TBC1D4: variants seen among roughly 807,000 people sequenced by gnomAD.
TBC1D4 encodes TBC1 domain family member 4, also known as TBC (Tre-2, BUB2, CDC16) domain-containing protein.
TBC1D4 carries 121 observed loss-of-function variants against 142.5 expected under a neutral mutation model. The ratio of observed to expected loss-of-function variants is 0.85; its 90% CI spans 0.73 to 0.99. TBC1D4 has a LOEUF of 0.99. TBC1D4 is among the 50% of genes least tolerant of loss of function. The pLI is 0.00. For synonymous variants in TBC1D4, 630 were observed against 628.2 expected (o/e 1.00, Z -0.04); for missense variants, 1,475 against 1,606.6 (o/e 0.92, Z 1.40).
At chr13:75,397,825 TTTCCCACTGAAAAGTGATACTATCTGC>T (rs1884873959) in intron 1 of TBC1D4, among the ~76,000 whole-genome samples, 1 of 152,206 alleles carries the variant, frequency 6.6e-6, no homozygotes, top group African/African-American at 2.4e-5. Flanking sequence ...TATTCGTAGT[TTTCCCACTGAAAAGTGATACTATCTGC>T]TTCCCTGGTT....
intron 3 of TBC1D4, among the ~76,000 whole-genome samples, chr13:75,357,098 A>T (rs986267943): frequency 1.3e-5 from 2 of 152,202 alleles, no homozygotes; most frequent in African/African-American, 2.4e-5. Flanking sequence ...GGTTGCTCAT[A>T]ACTATCTCTG....
chr13:75,466,786 G>A (rs545201895), intron 1 of TBC1D4, among the ~76,000 whole-genome samples: 8 of 151,860 alleles, frequency 5.3e-5, no homozygotes, highest in Non-Finnish European at 1.2e-4. Flanking sequence ...CAGGAGAATC[G>A]CTTAAGCCAG....
chr13:75,349,023 C>T (rs1294144462), intron 5 of TBC1D4, 147 bp downstream of exon 5: 1 of 1,101,752 alleles, frequency 9.1e-7, no homozygotes, highest in African/African-American at 1.5e-5. Flanking sequence ...ATTGACAGCC[C>T]ACTCACATTT....
At chr13:75,372,299 C>T (rs1385713203) in intron 1 of TBC1D4, among the ~76,000 whole-genome samples, 1 of 148,786 alleles carries the variant, frequency 6.7e-6, no homozygotes, top group Non-Finnish European at 1.5e-5. Flanking sequence ...GACCAAGTCT[C>T]TCTCTGTCAC....
chr13:75,418,796 C>T (rs188274334), intron 1 of TBC1D4, among the ~76,000 whole-genome samples: 1 of 152,236 alleles, frequency 6.6e-6, no homozygotes, highest in Admixed American at 6.5e-5. Flanking sequence ...ACTCCAAGTG[C>T]TATGTTTGAA....
intron 1 of TBC1D4, among the ~76,000 whole-genome samples, chr13:75,435,968 A>C (rs1886783777): frequency 6.6e-6 from 1 of 152,178 alleles, no homozygotes; most frequent in Non-Finnish European, 1.5e-5. Flanking sequence ...TTTTATATAC[A>C]ATGGTGATAT....
At chr13:75,418,909 T>A (rs1428343506) in intron 1 of TBC1D4, among the ~76,000 whole-genome samples, 2 of 152,072 alleles carry the variant, frequency 1.3e-5, no homozygotes, top group East Asian at 3.8e-4. Flanking sequence ...GTGCTAAAGG[T>A]GGATTGAAGA....
At chr13:75,309,457 A>G (rs898196989) in intron 14 of TBC1D4, among the ~76,000 whole-genome samples, 4 of 152,162 alleles carry the variant, frequency 2.6e-5, no homozygotes, top group African/African-American at 4.8e-5. Flanking sequence ...TTATAATTAA[A>G]TAGTTAAATT....
intron 12 of TBC1D4, among the ~76,000 whole-genome samples, chr13:75,313,694 T>A (rs925231455): frequency 3.7e-4 from 57 of 152,174 alleles, no homozygotes; most frequent in Middle Eastern, 3.4e-3. Flanking sequence ...GCTATTTTTT[T>A]AAAAAAATCT....
chr13:75,443,228 G>A (rs565009022), intron 1 of TBC1D4, among the ~76,000 whole-genome samples: 1 of 140,242 alleles, frequency 7.1e-6, no homozygotes, highest in African/African-American at 2.5e-5. Context: ...TATGAAGAAT[G>A]AAAAGGCAAG....
chr13:75,389,218 T>A (rs1884339968), intron 1 of TBC1D4, among the ~76,000 whole-genome samples: 1 of 152,244 alleles, frequency 6.6e-6, no homozygotes, highest in East Asian at 1.9e-4. Context: ...AGGACGGCAC[T>A]CTGCTTACTT....
At chr13:75,392,198 G>A (rs1382990196) in intron 1 of TBC1D4, among the ~76,000 whole-genome samples, 1 of 151,946 alleles carries the variant, frequency 6.6e-6, no homozygotes, top group East Asian at 1.9e-4. Context: ...AATATGTGTT[G>A]GATAAATAAC....
intron 1 of TBC1D4, among the ~76,000 whole-genome samples, chr13:75,382,868 C>T (rs1010368141): frequency 4.6e-5 from 7 of 152,256 alleles, no homozygotes; most frequent in African/African-American, 1.2e-4. Flanking sequence ...ATAATATATA[C>T]AATTCAAATT....
At chr13:75,290,756 A>G (rs1447603347) in intron 19 of TBC1D4, among the ~76,000 whole-genome samples, 1 of 152,152 alleles carries the variant, frequency 6.6e-6, no homozygotes, top group Non-Finnish European at 1.5e-5. Flanking sequence ...TATTGGTTAT[A>G]TTTGCTCCTA....
At chr13:75,406,667 C>T (rs541968090) in intron 1 of TBC1D4, among the ~76,000 whole-genome samples, 2 of 152,052 alleles carry the variant, frequency 1.3e-5, no homozygotes, top group African/African-American at 4.8e-5. Context: ...TAACATTTTA[C>T]GATTCATGTA....
chr13:75,450,318 A>G (rs778259650), intron 1 of TBC1D4, among the ~76,000 whole-genome samples: 8 of 152,192 alleles, frequency 5.3e-5, no homozygotes, highest in Non-Finnish European at 1.0e-4. Flanking sequence ...TTAGTGTAAT[A>G]GCAACATTCC....
At chr13:75,386,386 CTTTTTCTT>C (rs1196083329) in intron 1 of TBC1D4, among the ~76,000 whole-genome samples, 6 of 143,784 alleles carry the variant, frequency 4.2e-5, no homozygotes, top group African/African-American at 1.6e-4. Flanking sequence ...TTTTCTTTTT[CTTTTTCTT>C]TTTTTTTTTT....
intron 1 of TBC1D4, among the ~76,000 whole-genome samples, chr13:75,432,776 C>T (rs1360599342): frequency 6.6e-6 from 1 of 151,790 alleles, no homozygotes; most frequent in African/African-American, 2.4e-5. Flanking sequence ...CAGCTGAGAT[C>T]GAAGATTTCT....
intron 1 of TBC1D4, among the ~76,000 whole-genome samples, chr13:75,438,166 T>C (rs1838817843): frequency 6.6e-6 from 1 of 152,232 alleles, no homozygotes; most frequent in Admixed American, 6.5e-5. Context: ...CTAGTCAAGC[T>C]TCCCTCTTGA....
Sources: gnomAD v4.1 joint callset for allele counts (sites outside exome capture counted in the v4.1 genomes callset) on GRCh38, gnomAD v4.1.1 for gene constraint, MANE v1.5 for transcripts, NCBI Gene and HGNC (gene_info 2026-07-23, HGNC 2026-07-21) for gene names.